The following CNTNAP4 variants were observed in gnomAD, a reference collection of about 807,000 sequenced individuals.
CNTNAP4 encodes the protein contactin associated protein family member 4, also known as contactin-associated protein-like 4.
A neutral mutation model predicts 148.4 loss-of-function variants in CNTNAP4; 98 were observed. The observed-to-expected ratio is 0.66, with a 90% CI of 0.56 to 0.78. CNTNAP4 has a LOEUF of 0.78. CNTNAP4 is among the 30% of genes least tolerant of loss of function. The pLI, the probability that CNTNAP4 is intolerant of heterozygous loss-of-function variation, is 0.00. For synonymous variants in CNTNAP4, 730 were observed against 565.1 expected, an observed-to-expected ratio of 1.29 and a Z score of -4.14; for missense variants, 1,935 against 1,565.6, an observed-to-expected ratio of 1.24 and a Z score of -3.98.
intron 3 of CNTNAP4, among the ~76,000 whole-genome samples, chr16:76,384,055 T>G (rs183044822): frequency 1.2e-3 from 184 of 152,002 alleles, no homozygotes; most frequent in South Asian, 2.1e-3. Context: ...TATTTATTTA[T>G]TTTTTTGAGA....
intron 10 of CNTNAP4, among the ~76,000 whole-genome samples, chr16:76,469,247 A>T (rs927569243): frequency 2.6e-5 from 4 of 152,226 alleles, no homozygotes; most frequent in Non-Finnish European, 4.4e-5. Context: ...ATGAAAGATG[A>T]TATGAAAAGA....
At chr16:76,415,269 A>T (rs533084266) in intron 3 of CNTNAP4, among the ~76,000 whole-genome samples, 1 of 151,356 alleles carries the variant, frequency 6.6e-6, no homozygotes, top group East Asian at 1.9e-4. Flanking sequence ...CCCTGCTTAG[A>T]TTATTTTAAA....
intron 17 of CNTNAP4, among the ~76,000 whole-genome samples, chr16:76,534,291 A>C (rs2084119304): frequency 6.6e-6 from 1 of 152,244 alleles, no homozygotes; most frequent in Non-Finnish European, 1.5e-5. Flanking sequence ...CAATTGAAGT[A>C]GCCCTTGTTG....
At chr16:76,546,601 G>A (rs1353124233) in intron 21 of CNTNAP4, among the ~76,000 whole-genome samples, 1 of 152,128 alleles carries the variant, frequency 6.6e-6, no homozygotes, top group East Asian at 1.9e-4. Flanking sequence ...ATGGCCAATT[G>A]TATAATTATT....
At chr16:76,355,546 G>T (rs369070733) in intron 3 of CNTNAP4, 35 bp downstream of exon 3, 7 of 1,507,182 alleles carry the variant, frequency 4.6e-6, no homozygotes, top group Admixed American at 2.1e-5. Flanking sequence ...GTCTCTCGGG[G>T]AAAAAGTATA....
chr16:76,441,980 A>G (rs1443747114), intron 4 of CNTNAP4, among the ~76,000 whole-genome samples: 4 of 152,166 alleles, frequency 2.6e-5, no homozygotes, highest in Admixed American at 1.3e-4. Context: ...TAAAGAGGAT[A>G]ATACCTCCCT....
At chr16:76,467,561 AC>A in intron 10 of CNTNAP4, 38 bp downstream of exon 10, 1 of 1,524,628 alleles carries the variant, frequency 6.6e-7, no homozygotes, top group South Asian at 1.2e-5. Context: ...CTGCTTTCAA[AC>A]TTTGGCATCA....
chr16:76,466,658 T>C (rs1249217061), intron 9 of CNTNAP4, among the ~76,000 whole-genome samples: 1 of 152,150 alleles, frequency 6.6e-6, no homozygotes, highest in East Asian at 1.9e-4. Flanking sequence ...TGGTTAATAT[T>C]ATATTTATTA....
chr16:76,392,746 A>T (rs1444065762), intron 3 of CNTNAP4, among the ~76,000 whole-genome samples: 1 of 152,180 alleles, frequency 6.6e-6, no homozygotes. Flanking sequence ...TGAAATAACA[A>T]AGGGACATGG....
chr16:76,435,230 G>A (rs1248030134), intron 4 of CNTNAP4, among the ~76,000 whole-genome samples: 1 of 152,122 alleles, frequency 6.6e-6, no homozygotes, highest in Admixed American at 6.6e-5. Context: ...TAATTCAAAT[G>A]AGTCTTTTGT....
intron 1 of CNTNAP4, among the ~76,000 whole-genome samples, chr16:76,315,639 G>A (rs1028788911): frequency 6.6e-6 from 1 of 152,002 alleles, no homozygotes; most frequent in Non-Finnish European, 1.5e-5. Flanking sequence ...CCGTCACCCA[G>A]GCTGGAGTGC....
intron 2 of CNTNAP4, among the ~76,000 whole-genome samples, chr16:76,341,834 A>G (rs1219935147): frequency 2.6e-5 from 4 of 152,222 alleles, no homozygotes; most frequent in Admixed American, 2.6e-4. Context: ...TTTTAGCGAA[A>G]GTAAAGAAAA....
chr16:76,520,707 G>A (rs764396296), intron 15 of CNTNAP4, among the ~76,000 whole-genome samples: 6 of 152,098 alleles, frequency 3.9e-5, no homozygotes, highest in Admixed American at 2.0e-4. Context: ...TGTGTTAGAA[G>A]TGTTAGAACA....
At chr16:76,281,997 C>A (rs906827552) in intron 1 of CNTNAP4, among the ~76,000 whole-genome samples, 2 of 151,700 alleles carry the variant, frequency 1.3e-5, no homozygotes, top group African/African-American at 2.4e-5. Context: ...ACATAAGATT[C>A]TTTACTCTCT....
rs200469793 is a variant in CNTNAP4, at chr16:76,489,894, C to A, written c.2080+11C>A. 9 of 1,522,778 alleles carry A rather than the reference C, an allele frequency of 5.9e-6. No homozygotes were observed. The highest frequency in any genetic ancestry group is 8.0e-6 in the Non-Finnish European group (9 of 1,121,978). The allele number at this position is 1,522,778 out of a possible 1,614,324, so 94.3% of individuals were successfully genotyped here. On this transcript the variant is annotated intron_variant, in intron 13 of 23. Coordinates refer to ENST00000611870, the MANE Select transcript of CNTNAP4 (RefSeq NM_033401.5). ...TGGTCAATAAGCAAGGTAAGTAAAC[C>A]ATGGTGTCTGTCTTGTTGCACACAT...
chr16:76,558,872 T>C lies in CNTNAP4; in HGVS notation c.*189T>C. ...GTGATATATTTCTCATAGCATTCAT[T>C]CTATGGAACAAGAAATTAGATATTG... is the stretch of plus-strand genomic sequence containing the variant. On this transcript the variant is annotated 3_prime_UTR_variant, in exon 24 of 24. Transcript: ENST00000611870. 1 of 460,874 alleles carries C rather than the reference T, an allele frequency of 2.2e-6. No individual in the cohort carries two copies. Among genetic ancestry groups the C allele is most frequent in the South Asian group, 4.8e-5 (1 of 20,926 alleles). The allele number at this position is 460,874 out of a possible 1,614,324, so 28.5% of individuals were successfully genotyped here. A position where few individuals can be genotyped will look rare whatever the true frequency, so the allele number is the denominator to read the frequency against.
intron 4 of CNTNAP4, among the ~76,000 whole-genome samples, chr16:76,439,745 C>T (rs1186052071): frequency 6.6e-6 from 1 of 152,102 alleles, no homozygotes; most frequent in African/African-American, 2.4e-5. Context: ...TTATATATAG[C>T]ACTTGATCTC....
chr16:76,458,546 A>G (rs2080821258), intron 8 of CNTNAP4, among the ~76,000 whole-genome samples: 1 of 152,012 alleles, frequency 6.6e-6, no homozygotes, highest in Non-Finnish European at 1.5e-5. Context: ...CAAGCATTAG[A>G]TTCTCATTAG....
At chr16:76,476,138 T>G (rs2081568851) in intron 11 of CNTNAP4, 93 bp downstream of exon 11, 1 of 808,944 alleles carries the variant, frequency 1.2e-6, no homozygotes, top group Admixed American at 2.3e-5. Flanking sequence ...GTCTGTTCTG[T>G]GCAAACTCAG....
Sources: allele counts gnomAD v4.1 joint callset (sites outside exome capture counted in the v4.1 genomes callset), GRCh38; gene constraint gnomAD v4.1.1; transcripts MANE v1.5; gene names NCBI Gene and HGNC (gene_info 2026-07-23, HGNC 2026-07-21).